TRPC7: variants seen among roughly 807,000 people sequenced by gnomAD.
The protein encoded by TRPC7 is transient receptor potential cation channel subfamily C member 7, also known as short transient receptor potential channel 7.
TRPC7 carries 42 observed loss-of-function variants against 90.1 expected under a neutral mutation model. That is an observed-to-expected ratio of 0.47 (90% confidence interval 0.36 to 0.60). The LOEUF (loss-of-function observed/expected upper bound fraction) is 0.60, where lower values mean the gene tolerates loss of function less well. Among genes scored for constraint, TRPC7 ranks in the 20% least tolerant of loss-of-function variants. The pLI is 0.00. For synonymous variants in TRPC7, 451 were observed against 436.3 expected (o/e 1.03, Z -0.42); for missense variants, 955 against 1,112.3 (o/e 0.86, Z 2.01).
At chr5:136,363,334 T>C (rs1175068875) in intron 1 of TRPC7, among the ~76,000 whole-genome samples, 2 of 152,170 alleles carry the variant, frequency 1.3e-5, no homozygotes, top group Non-Finnish European at 2.9e-5. Flanking sequence ...TATTTATCAT[T>C]GCCTTGTAAG....
At position 136,365,408 on chromosome 5, in the gene TRPC7, A is replaced by T; in HGVS notation, c.-154T>A. On this transcript the variant is annotated 5_prime_UTR_variant, in exon 1 of 12. Coordinates refer to ENST00000513104, the MANE Select transcript of TRPC7 (RefSeq NM_020389.3). ...TGGTCAAGTGAGTTAAGTTGCAACG[A>T]TGTGAAAGCGCGCTCCTCTGTTCTT... 1 of 757,142 alleles carries T rather than the reference A, an allele frequency of 1.3e-6. No homozygotes were observed. 46.9% of individuals were successfully genotyped at this position (757,142 alleles called of 1,614,324 possible).
intron 7 of TRPC7, among the ~76,000 whole-genome samples, chr5:136,234,191 G>T (rs1199487950): frequency 6.6e-6 from 1 of 152,146 alleles, no homozygotes; most frequent in Non-Finnish European, 1.5e-5. Context: ...TCTCCAACAG[G>T]CTCTACAAAA....
chr5:136,361,532 T>A (rs533128264), intron 1 of TRPC7, among the ~76,000 whole-genome samples: 58 of 152,226 alleles, frequency 3.8e-4, no homozygotes, highest in Non-Finnish European at 6.6e-4. Context: ...CAGCTGCAGA[T>A]GAGCATGGCC....
At chr5:136,354,610 C>T (rs1441643782) in intron 2 of TRPC7, among the ~76,000 whole-genome samples, 1 of 152,170 alleles carries the variant, frequency 6.6e-6, no homozygotes. Context: ...TCCAATTAAT[C>T]TTATTTACCA....
intron 7 of TRPC7, among the ~76,000 whole-genome samples, chr5:136,245,489 A>T (rs983189888): frequency 6.6e-6 from 1 of 152,196 alleles, no homozygotes; most frequent in East Asian, 1.9e-4. Context: ...GAAGAGTAAG[A>T]TGAGGCCCTG....
chr5:136,335,340 G>T (rs909801093), intron 2 of TRPC7, among the ~76,000 whole-genome samples: 37 of 151,948 alleles, frequency 2.4e-4, no homozygotes, highest in African/African-American at 8.2e-4. Context: ...CTGATCTTCT[G>T]CTTGCTGTTT....
At chr5:136,218,084 A>C (rs1298926872) in intron 10 of TRPC7, among the ~76,000 whole-genome samples, 2 of 146,170 alleles carry the variant, frequency 1.4e-5, no homozygotes, top group African/African-American at 5.0e-5. Flanking sequence ...AAGATATATA[A>C]TATATGAGAT....
intron 7 of TRPC7, among the ~76,000 whole-genome samples, chr5:136,234,157 C>G (rs1447413631): frequency 6.6e-6 from 1 of 152,202 alleles, no homozygotes; most frequent in African/African-American, 2.4e-5. Flanking sequence ...TAAGGAGTAA[C>G]TCCTGGACTT....
chr5:136,259,945 GA>G (rs1756803687), intron 5 of TRPC7, among the ~76,000 whole-genome samples: 1 of 152,170 alleles, frequency 6.6e-6, no homozygotes, highest in Non-Finnish European at 1.5e-5. Context: ...TTTCTCTGCC[GA>G]TACCTTAAAT....
chr5:136,322,181 A>G (rs997831529), intron 2 of TRPC7, among the ~76,000 whole-genome samples: 5 of 151,850 alleles, frequency 3.3e-5, no homozygotes, highest in Non-Finnish European at 7.4e-5. Flanking sequence ...AGCCCTGCTA[A>G]TTTTTGTATT....
chr5:136,348,873 T>C (rs1239063754), intron 2 of TRPC7, among the ~76,000 whole-genome samples: 2 of 152,250 alleles, frequency 1.3e-5, no homozygotes, highest in Non-Finnish European at 2.9e-5. Context: ...GATTAATGTA[T>C]ATAGCATTGT....
intron 2 of TRPC7, among the ~76,000 whole-genome samples, chr5:136,325,459 C>G (rs991556232): frequency 1.3e-5 from 2 of 152,146 alleles, no homozygotes; most frequent in Non-Finnish European, 2.9e-5. Flanking sequence ...CTTCCTTCCT[C>G]CCTCCTCCTT....
intron 11 of TRPC7, chr5:136,214,046 C>A: frequency 6.1e-6 from 1 of 162,674 alleles, no homozygotes; most frequent in South Asian, 1.7e-4. Flanking sequence ...AGGAGAAACT[C>A]CCAGGAGCCT....
chr5:136,344,245 G>A (rs62387364), intron 2 of TRPC7, among the ~76,000 whole-genome samples: 3,198 of 152,156 alleles, frequency 0.021, 60 homozygotes, highest in Middle Eastern at 0.085. Flanking sequence ...CACAAAGAAG[G>A]GAACAACAGA....
chr5:136,225,398 T>C (rs1265792861), intron 9 of TRPC7, 44 bp from the exon 10 acceptor site: 2 of 1,567,816 alleles, frequency 1.3e-6, no homozygotes, highest in Non-Finnish European at 1.7e-6. Context: ...CAGAAAAACA[T>C]ACATGCATCC....
intron 3 of TRPC7, among the ~76,000 whole-genome samples, chr5:136,305,970 A>G (rs1758611916): frequency 6.6e-6 from 1 of 152,142 alleles, no homozygotes; most frequent in Non-Finnish European, 1.5e-5. Context: ...CCTTTTTATT[A>G]GGCCCCAGTC....
intron 1 of TRPC7, among the ~76,000 whole-genome samples, chr5:136,362,903 G>A (rs545704237): frequency 7.2e-5 from 11 of 152,188 alleles, no homozygotes; most frequent in African/African-American, 2.4e-4. Context: ...TATGGTGCTT[G>A]GTCAATCAAC....
At chr5:136,298,607 C>T (rs568039753) in intron 3 of TRPC7, among the ~76,000 whole-genome samples, 1 of 152,246 alleles carries the variant, frequency 6.6e-6, no homozygotes, top group South Asian at 2.1e-4. Flanking sequence ...GATGCCCTCC[C>T]CTTGGGGCAG....
chr5:136,293,102 G>A (rs1758021658), intron 3 of TRPC7, among the ~76,000 whole-genome samples: 1 of 152,104 alleles, frequency 6.6e-6, no homozygotes, highest in Admixed American at 6.5e-5. Context: ...AACCCTTCAT[G>A]CTAAAAACTC....
Sources: allele counts gnomAD v4.1 joint callset (sites outside exome capture counted in the v4.1 genomes callset), GRCh38; gene constraint gnomAD v4.1.1; transcripts MANE v1.5; gene names NCBI Gene and HGNC (gene_info 2026-07-23, HGNC 2026-07-21).